The following NUCB1 variants were observed in gnomAD, a reference collection of about 807,000 sequenced individuals.
NUCB1 encodes the protein nucleobindin 1, also known as nucleobindin-1.
In NUCB1, 47 loss-of-function variants were observed where a neutral mutation model predicts 61.2. The ratio of observed to expected loss-of-function variants is 0.77; its 90% CI spans 0.61 to 0.98. The LOEUF is 0.98. Ranked by LOEUF, NUCB1 falls within the 50% of genes least tolerant of loss-of-function variation. NUCB1 has a pLI of 0.00. For missense variants in NUCB1, 583 were observed against 605.3 expected (o/e 0.96, Z 0.39); for synonymous variants, 234 against 243.1 (o/e 0.96, Z 0.35).
intron 4 of NUCB1, 95 bp from the exon 5 acceptor site, chr19:48,911,054 A>C: frequency 1.2e-6 from 1 of 852,558 alleles, no homozygotes; most frequent in Non-Finnish European, 1.9e-6. Flanking sequence ...GGGCTTCCCT[A>C]GTGCTGTCCG....
At chr19:48,903,956 GGATGGGTGGATGGATGGATGGAT>G (rs1276180671) in intron 2 of NUCB1, among the ~76,000 whole-genome samples, 457 of 149,684 alleles carry the variant, frequency 3.1e-3, no homozygotes, top group African/African-American at 0.01. Context: ...ATGAGTGGAT[GGATGGGTGGATGGATGGATGGAT>G]GATGGGTGGA....
Position 48,904,450 on chromosome 19 carries a change from T to A in NUCB1, c.239T>A (p.Ile80Asn). The A allele has an allele frequency of 6.2e-7, 1 of 1,608,022 alleles. No homozygotes were observed. Among genetic ancestry groups the A allele is most frequent in the Non-Finnish European group, 8.5e-7 (1 of 1,176,052 alleles). The change falls in exon 3 of 13, where the codon ATC (isoleucine) becomes AAC (asparagine). Residue 80 changes from isoleucine (I) to asparagine (N), a missense_variant. Coordinates refer to ENST00000405315, the MANE Select transcript of NUCB1 (RefSeq NM_006184.6). ...CTGCAGGCTGCCAATGCGGAGGACA[T>A]CAAGGTGCGGCTGGGGGAGTGGGGG... is the stretch of plus-strand genomic sequence containing the variant. ...EKLQAANAEDIKSGKLSRELD... is the reference protein window; with the variant it reads ...EKLQAANAEDNKSGKLSRELD...
chr19:48,918,978 T>C (rs1324615394), intron 8 of NUCB1, 52 bp from the exon 9 acceptor site: 4 of 1,563,230 alleles, frequency 2.6e-6, no homozygotes, highest in Non-Finnish European at 3.5e-6. Context: ...TTGTCGGGAA[T>C]GAGCTCGCTG....
At chr19:48,919,904 G>C (rs1431579703) in intron 10 of NUCB1, among the ~76,000 whole-genome samples, 1 of 151,658 alleles carries the variant, frequency 6.6e-6, no homozygotes. Flanking sequence ...GAGTAGCTGG[G>C]ATTACAGGCG....
rs1361396725 is a variant in NUCB1, at chr19:48,902,426, T to C, written c.135+1495T>C. Among the ~76,000 whole-genome samples the C allele has an allele frequency of 1.2e-4, 18 of 147,640 alleles. No individual in the cohort carries two copies. In the South Asian group the frequency reaches 1.9e-3, roughly 16 times the overall value. On this transcript the variant is annotated intron_variant, in intron 2 of 12. Transcript: ENST00000405315. Reference sequence around the variant, plus strand: ...ATTTTTTCTTTTCCTTTTTCTTTTTTTTTTTTTTTTTTATTTTTGCTGTGT... The same window carrying C: ...ATTTTTTCTTTTCCTTTTTCTTTTTCTTTTTTTTTTTTATTTTTGCTGTGT...
Position 48,909,912 on chromosome 19 carries a change from C to T in NUCB1, c.377-1237C>T, listed in dbSNP as rs148814802. 2.0e-5 allele frequency among the ~76,000 whole-genome samples: 3 copies of T among 152,148 alleles called. No individual in the cohort carries two copies. In the East Asian group the frequency reaches 5.8e-4, roughly 29 times the overall value. ...GCCCACAGTAATGACCTCATCTTAA[C>T]CTGATTCCCTCTGTAAAGACCTAGT... On this transcript the variant is annotated intron_variant, in intron 4 of 12. Coordinates refer to ENST00000405315, the MANE Select transcript of NUCB1 (RefSeq NM_006184.6).
chr19:48,912,547 G>A (rs979192387), intron 5 of NUCB1, among the ~76,000 whole-genome samples: 5 of 151,956 alleles, frequency 3.3e-5, no homozygotes, highest in South Asian at 2.1e-4. Flanking sequence ...CAAAAAGGGC[G>A]ACATCAGGCT....
At chr19:48,913,624 C>A in intron 7 of NUCB1, 60 bp downstream of exon 7, 1 of 1,368,510 alleles carries the variant, frequency 7.3e-7, no homozygotes, top group Non-Finnish European at 1.0e-6. Flanking sequence ...CCTTCTAGGA[C>A]CTGAATGCTA....
chr19:48,920,939 C>T (rs1205959182), intron 10 of NUCB1, among the ~76,000 whole-genome samples: 1 of 152,208 alleles, frequency 6.6e-6, no homozygotes, highest in Non-Finnish European at 1.5e-5. Context: ...ACTTTCGCCT[C>T]CCAAAGTCCT....
At chr19:48,901,428 G>A (rs2037352190) in intron 2 of NUCB1, among the ~76,000 whole-genome samples, 1 of 152,206 alleles carries the variant, frequency 6.6e-6, no homozygotes, top group Admixed American at 6.5e-5. Context: ...GAAGGTCAGT[G>A]AGTGTCTTGT....
intron 7 of NUCB1, among the ~76,000 whole-genome samples, chr19:48,917,498 ATTTT>A (rs34434500): frequency 6.0e-5 from 9 of 149,066 alleles, no homozygotes; most frequent in African/African-American, 2.2e-4. Flanking sequence ...CAATTTTTAA[ATTTT>A]TTTTTTCTTT....
At chr19:48,913,921 A>G (rs1175011791) in intron 7 of NUCB1, among the ~76,000 whole-genome samples, 1 of 151,522 alleles carries the variant, frequency 6.6e-6, no homozygotes, top group African/African-American at 2.4e-5. Context: ...GTTCCCTAAG[A>G]ACCAGGCCTC....
intron 11 of NUCB1, 113 bp from the exon 12 acceptor site, chr19:48,921,714 G>A: frequency 2.1e-6 from 2 of 937,038 alleles, no homozygotes; most frequent in South Asian, 2.6e-5. Flanking sequence ...AGAAGGGGTT[G>A]GCCGTGACCA....
chr19:48,918,878 C>G (rs1382207681), intron 8 of NUCB1, 94 bp downstream of exon 8: 32 of 1,366,760 alleles, frequency 2.3e-5, no homozygotes, highest in Non-Finnish European at 3.0e-5. Flanking sequence ...TGGATGGGAG[C>G]TCAGTGAAAA....
chr19:48,919,800 G>A (rs1415857558), intron 10 of NUCB1, among the ~76,000 whole-genome samples: 1 of 119,758 alleles, frequency 8.4e-6, no homozygotes, highest in Non-Finnish European at 1.6e-5. Context: ...ACAGGGTCTT[G>A]CTCTGTCGCG....
chr19:48,921,749 C>T (rs1052989478), intron 11 of NUCB1, 78 bp from the exon 12 acceptor site: 10 of 1,389,138 alleles, frequency 7.2e-6, no homozygotes, highest in African/African-American at 4.2e-5. Flanking sequence ...GTGAAGTCTC[C>T]GTTTGGGGAC....
intron 7 of NUCB1, among the ~76,000 whole-genome samples, chr19:48,915,908 T>C (rs1177513217): frequency 1.2e-4 from 18 of 151,944 alleles, no homozygotes; most frequent in Admixed American, 1.2e-3. Context: ...CTCAGTCACC[T>C]GAGTAGCTGA....
chr19:48,921,477 C>T (rs1037405124), intron 11 of NUCB1, 153 bp downstream of exon 11: 21 of 882,766 alleles, frequency 2.4e-5, no homozygotes, highest in Non-Finnish European at 3.5e-5. Flanking sequence ...TAAGGGCAGA[C>T]GTTTTCCCGT....
chr19:48,902,629 C>T lies in NUCB1; in HGVS notation c.135+1698C>T, dbSNP rs538678585. On this transcript the variant is annotated intron_variant, in intron 2 of 12. Coordinates refer to ENST00000405315, the MANE Select transcript of NUCB1 (RefSeq NM_006184.6). ...GTCATTATACTGCCCAGGCTAGTCT[C>T]GAACTCCTGAGTTCAAGTGATTTGC... Among the ~76,000 whole-genome samples, 7 of 151,656 alleles carry T rather than the reference C, an allele frequency of 4.6e-5. No individual in the cohort carries two copies. In the South Asian group the frequency reaches 1.0e-3, roughly 23 times the overall value.
Sources: gnomAD v4.1 joint callset for allele counts (sites outside exome capture counted in the v4.1 genomes callset) on GRCh38, gnomAD v4.1.1 for gene constraint, MANE v1.5 for transcripts, NCBI Gene and HGNC (gene_info 2026-07-23, HGNC 2026-07-21) for gene names.